Variants in SHROOM4 observed in about 807,000 individuals in gnomAD.
SHROOM4 encodes the protein shroom family member 4.
SHROOM4 carries 17 observed loss-of-function variants against 80.3 expected under a neutral mutation model. The observed-to-expected ratio is 0.21, with a 90% confidence interval of 0.14 to 0.32. SHROOM4 has a LOEUF of 0.32. SHROOM4 is among the 10% of genes least tolerant of loss of function. SHROOM4 has a pLI of 1.00. For missense variants in SHROOM4, 993 were observed against 1,140.3 expected, an observed-to-expected ratio of 0.87 and a Z score of 1.86; for synonymous variants, 400 against 437.5, an observed-to-expected ratio of 0.91 and a Z score of 1.07.
chrX:50,703,295 G>A (rs1291433155), intron 1 of SHROOM4, among the ~76,000 whole-genome samples: 1 of 111,668 alleles, frequency 9.0e-6, no homozygotes, highest in Non-Finnish European at 1.9e-5. Flanking sequence ...CAATGTTGGA[G>A]CCATCTACTG....
intron 1 of SHROOM4, among the ~76,000 whole-genome samples, chrX:50,699,353 G>T (rs1473541777): frequency 4.5e-5 from 5 of 111,845 alleles, no homozygotes; most frequent in Middle Eastern, 9.3e-3. Flanking sequence ...TCTCTTACTG[G>T]TAAAATGTGT....
chrX:50,657,779 T>C (rs1932361446), intron 2 of SHROOM4, among the ~76,000 whole-genome samples: 1 of 104,183 alleles, frequency 9.6e-6, no homozygotes, highest in African/African-American at 3.9e-5. Context: ...AGTATTGCTT[T>C]GGGAAAAAAA....
rs1928949183 is a variant in SHROOM4 at position 50,593,192 on chromosome X, G to A, written c.*3503C>T. On this transcript the variant is annotated 3_prime_UTR_variant, in exon 9 of 9. Transcript: ENST00000376020. ...CCTCAGAGGCCAGGGTAAGGGTTTA[G>A]GGATGTGGGTAAGGGTCTGGTCATA... The A allele has an allele frequency of 8.9e-6, 1 of 112,138 alleles. No individual in the cohort carries two copies. The highest frequency in any genetic ancestry group is 9.5e-5 in the Admixed American group (1 of 10,578). 9.2% of individuals were successfully genotyped at this position (112,138 alleles called of 1,213,427 possible). A position where few individuals can be genotyped will look rare whatever the true frequency, so the allele number is the denominator to read the frequency against.
downstream of SHROOM4, among the ~76,000 whole-genome samples, chrX:50,585,738 G>T (rs1474903211): frequency 9.0e-6 from 1 of 111,665 alleles, no homozygotes; most frequent in Admixed American, 9.5e-5. Flanking sequence ...GGGCAGAACT[G>T]CGTCCAGGTC....
chrX:50,713,295 G>A (rs1280854527), intron 1 of SHROOM4, among the ~76,000 whole-genome samples: 1 of 111,351 alleles, frequency 9.0e-6, no homozygotes, highest in Non-Finnish European at 1.9e-5. Flanking sequence ...ACACAAGAGA[G>A]TGATGTCAAG....
At position 50,696,396 on chromosome X, in the gene SHROOM4, A is replaced by C. The variant is rs373342021; in HGVS notation, c.118-459T>G. 6.3e-5 allele frequency among the ~76,000 whole-genome samples: 7 copies of C among 111,590 alleles called. No homozygotes were observed. The East Asian group carries it at 1.7e-3, about 27-fold the overall frequency. On this transcript the variant is annotated intron_variant, in intron 1 of 8. Transcript: ENST00000376020. The stretch of plus-strand genomic sequence containing the variant: ...TTGAATCCTGGCTCTGCTACTTCCT[A>C]GCTGTGTGACCCTTAGGAAGTTACT...
chrX:50,620,083 T>C (rs1489149270), intron 5 of SHROOM4, among the ~76,000 whole-genome samples: 1 of 111,732 alleles, frequency 8.9e-6, no homozygotes, highest in Non-Finnish European at 1.9e-5. Context: ...TACAAAGCCC[T>C]TGATCTTTAA....
At chrX:50,697,516 G>A (rs1362824646) in intron 1 of SHROOM4, among the ~76,000 whole-genome samples, 1 of 111,973 alleles carries the variant, frequency 8.9e-6, no homozygotes, top group Non-Finnish European at 1.9e-5. Context: ...AAACTCCATC[G>A]AATTAATTGA....
chrX:50,715,309 T>C (rs1305394160), intron 1 of SHROOM4, among the ~76,000 whole-genome samples: 1 of 111,043 alleles, frequency 9.0e-6, no homozygotes, highest in Non-Finnish European at 1.9e-5. Context: ...TGTCCCCTGC[T>C]CTACTGGGCA....
At position 50,674,392 on chromosome X, in the gene SHROOM4, C is replaced by T. The variant is rs189961345; in HGVS notation, c.269+21394G>A. Among the ~76,000 whole-genome samples, 708 of 111,401 alleles carry T rather than the reference C, an allele frequency of 6.4e-3. 7 individuals are homozygous for T. Among genetic ancestry groups the T allele is most frequent in the African/African-American group, 0.021 (660 of 30,760 alleles). Reference sequence around the variant, plus strand: ...GGTCAGACACATATATCAATGGAATCGAATAGAAAACACAGAAATAGGCCC... The same window carrying T: ...GGTCAGACACATATATCAATGGAATTGAATAGAAAACACAGAAATAGGCCC... On this transcript the variant is annotated intron_variant, in intron 2 of 8. Transcript: ENST00000376020.
chrX:50,619,575 C>G (rs1311849491), intron 5 of SHROOM4, among the ~76,000 whole-genome samples: 1 of 111,799 alleles, frequency 8.9e-6, no homozygotes. Context: ...TTGCCCTGAA[C>G]CTTCTCTAGT....
intron 1 of SHROOM4, among the ~76,000 whole-genome samples, chrX:50,749,968 A>G (rs782566889): frequency 5.4e-5 from 6 of 111,788 alleles, no homozygotes; most frequent in Non-Finnish European, 1.1e-4. Context: ...CCAAAGCCAC[A>G]GTGAACTGGA....
At position 50,633,976 on chromosome X, in the gene SHROOM4, G is replaced by A; in HGVS notation, c.2097C>T (p.Asn699=). Residue 699 remains asparagine, a synonymous_variant, in exon 4 of 9, where the codon AAC becomes AAT. Coordinates refer to ENST00000376020, the MANE Select transcript of SHROOM4 (RefSeq NM_020717.5). ...ATGGGTCAGGTGCTTTCCACCAGGT[G>A]TTCAGGCCCAAAGAGGACTGGCCAG... is the stretch of plus-strand genomic sequence containing the variant. The part of the protein sequence containing the change: ...QRPGQSSLGL[N]TWWKAPDPSS... 1.7e-6 allele frequency: 2 copies of A among 1,211,920 alleles called. No homozygotes were observed. Among genetic ancestry groups the A allele is most frequent in the South Asian group, 1.8e-5 (1 of 56,962 alleles).
intron 1 of SHROOM4, among the ~76,000 whole-genome samples, chrX:50,698,343 C>T (rs1424651240): frequency 9.0e-6 from 1 of 111,340 alleles, no homozygotes; most frequent in Non-Finnish European, 1.9e-5. Context: ...TTTTTCTGTT[C>T]CATGCCCCTT....
At chrX:50,606,909 C>T (rs1487445990) in intron 6 of SHROOM4, among the ~76,000 whole-genome samples, 3 of 109,514 alleles carry the variant, frequency 2.7e-5, no homozygotes, top group African/African-American at 1.0e-4. Context: ...GCCCAGGCTA[C>T]TTGTCCTAGA....
At chrX:50,790,046 A>G (rs781961219) in intron 1 of SHROOM4, among the ~76,000 whole-genome samples, 8 of 112,241 alleles carry the variant, frequency 7.1e-5, no homozygotes, top group African/African-American at 2.6e-4. Flanking sequence ...AATGGTAAGC[A>G]TTTGTGAATC....
intron 1 of SHROOM4, among the ~76,000 whole-genome samples, chrX:50,721,915 A>G (rs1343534744): frequency 9.0e-6 from 1 of 110,809 alleles, no homozygotes; most frequent in Non-Finnish European, 1.9e-5. Flanking sequence ...CTAAGCTGGC[A>G]GCTTTGTGGC....
intron 6 of SHROOM4, among the ~76,000 whole-genome samples, chrX:50,605,443 A>C (rs1419938413): frequency 5.3e-5 from 6 of 112,607 alleles, no homozygotes; most frequent in African/African-American, 1.9e-4. Context: ...TGTGCAAACA[A>C]ATGTTTTCCC....
chrX:50,645,093 C>G (rs1451983320), intron 2 of SHROOM4, among the ~76,000 whole-genome samples: 1 of 111,909 alleles, frequency 8.9e-6, no homozygotes, highest in Non-Finnish European at 1.9e-5. Flanking sequence ...TGGAACAGCA[C>G]TCTCAAATTG....
Sources: allele counts gnomAD v4.1 joint callset (sites outside exome capture counted in the v4.1 genomes callset), GRCh38; gene constraint gnomAD v4.1.1; transcripts MANE v1.5; gene names NCBI Gene and HGNC (gene_info 2026-07-23, HGNC 2026-07-21).